Variants in CD2BP2 observed in about 807,000 individuals in gnomAD.
The protein encoded by CD2BP2 is CD2 cytoplasmic tail binding protein 2.
CD2BP2 carries 27 observed loss-of-function variants against 35.9 expected under a neutral mutation model. The ratio of observed to expected loss-of-function variants is 0.75; its 90% CI spans 0.55 to 1.04. CD2BP2 has a LOEUF of 1.04. Ranked by LOEUF, CD2BP2 falls within the 50% of genes least tolerant of loss-of-function variation. CD2BP2 has a pLI of 0.00. For synonymous variants in CD2BP2, 213 were observed against 173.5 expected, an observed-to-expected ratio of 1.23 and a Z score of -1.79; for missense variants, 497 against 444.3, an observed-to-expected ratio of 1.12 and a Z score of -1.07.
chr16:30,353,769 C>G lies in CD2BP2; in HGVS notation c.407G>C (p.Arg136Pro). ...VKIRERPPGQ[R>P]QASDSEEEDS... ...CTCCTCCTCCGAGTCTGAGGCCTGG[C>G]GCTGGCCAGGTGGCCGCTCCCGGAT... Residue 136 changes from arginine (R) to proline (P), a missense_variant, in exon 5 of 7, where the codon CGC becomes CCC. Arg to Pro is a moderately radical substitution (Grantham distance 103). Transcript: ENST00000305596. 1 of 1,604,514 alleles carries G rather than the reference C, an allele frequency of 6.2e-7. No homozygotes were observed. Among genetic ancestry groups the G allele is most frequent in the African/African-American group, 1.3e-5 (1 of 74,838 alleles).
Position 30,354,652 on chromosome 16 carries a change from G to A in CD2BP2, c.30C>T (p.Gly10=), listed in dbSNP as rs914839387. The A allele has an allele frequency of 6.2e-7, 1 of 1,613,834 alleles. No individual in the cohort carries two copies. The highest frequency in any genetic ancestry group is 8.5e-7 in the Non-Finnish European group (1 of 1,179,976). The change falls in exon 2 of 7, where the codon GGC becomes GGT. Residue 10 remains glycine, a synonymous_variant. Transcript: ENST00000305596. MPKRKVTFQ[G]VGDEEDEDEI... is the part of the protein sequence containing the mutation. ...CATCCTCATCCTCCTCATCTCCCACGCCTTGGAAGGTCACTTTCCTCTTTG... is the reference window on the plus strand; with the variant it reads ...CATCCTCATCCTCCTCATCTCCCACACCTTGGAAGGTCACTTTCCTCTTTG...
chr16:30,353,425 A>G lies in CD2BP2; in HGVS notation c.751T>C (p.Phe251Leu). Residue 251 changes from phenylalanine (F) to leucine (L), a missense_variant, in exon 5 of 7, where the codon TTC (phenylalanine) becomes CTC (leucine). Coordinates refer to ENST00000305596, the MANE Select transcript of CD2BP2 (RefSeq NM_006110.3). ...TCCTCCTCCGCCAACTCCTCAGCGA[A>G]CATGTCCAGGGAGGGTGGGGGTGTG... is the stretch of plus-strand genomic sequence containing the variant. ...NPTPPPSLDM[F>L]AEELAEEELE... is the part of the protein sequence containing the mutation. 1 of 1,614,062 alleles carries G rather than the reference A, an allele frequency of 6.2e-7. No individual in the cohort carries two copies. The highest frequency in any genetic ancestry group is 8.5e-7 in the Non-Finnish European group (1 of 1,180,000).
chr16:30,354,136 G>A (rs374004776), intron 3 of CD2BP2, 48 bp downstream of exon 3: 16 of 1,613,116 alleles, frequency 9.9e-6, no homozygotes, highest in Non-Finnish European at 1.2e-5. Flanking sequence ...CACCACCAGA[G>A]GCCCCTACTT....
chr16:30,354,024 A>AC lies in CD2BP2; in HGVS notation c.251dup (p.Val85CysfsTer7), dbSNP rs1185109227. 6.2e-7 allele frequency: 1 copy of AC among 1,613,588 alleles called. No individual in the cohort carries two copies. The highest frequency in any genetic ancestry group is 8.5e-7 in the Non-Finnish European group (1 of 1,179,924). On this transcript the variant is annotated frameshift_variant, in exon 4 of 7. Coordinates refer to ENST00000305596, the MANE Select transcript of CD2BP2 (RefSeq NM_006110.3). LOFTEE classifies it high-confidence loss of function. ...GCAGGTTAAAGGGTGTGATCCGAAC[A>AC]CCCCCCTCGCTGGGGAGTGTGGCTG... is the stretch of plus-strand genomic sequence containing the variant.
intron 3 of CD2BP2, 37 bp from the exon 4 acceptor site, chr16:30,354,095 GAA>G (rs1567407547): frequency 6.2e-7 from 1 of 1,600,234 alleles, no homozygotes; most frequent in Middle Eastern, 1.7e-4. Flanking sequence ...TCCAGGCATG[GAA>G]AAAAGAGACC....
chr16:30,351,922 G>A lies in CD2BP2; in HGVS notation c.*1063C>T, dbSNP rs1419017480. On this transcript the variant is annotated 3_prime_UTR_variant, in exon 7 of 7. Transcript: ENST00000305596. The stretch of plus-strand genomic sequence containing the variant: ...ATTACAGCTCCCCAGGAGACTCCAA[G>A]GGGCAGCCAGAGTGCAAAACCGGAA... 5 of 152,410 alleles carry A rather than the reference G, an allele frequency of 3.3e-5. No individual in the cohort carries two copies. Among genetic ancestry groups the A allele is most frequent in the East Asian group, 1.9e-4 (1 of 5,200 alleles). The allele number at this position is 152,410 out of a possible 1,614,324, so 9.4% of individuals were successfully genotyped here.
intron 5 of CD2BP2, 39 bp from the exon 6 acceptor site, chr16:30,353,326 C>G: frequency 6.2e-7 from 1 of 1,613,238 alleles, no homozygotes; most frequent in South Asian, 1.1e-5. Context: ...TCCAGTGTCT[C>G]ACTTCCTACC....
rs1346486082 is a variant in CD2BP2 at position 30,353,699 on chromosome 16, C to T, written c.477G>A (p.Glu159=). Reference sequence around the variant, plus strand: ...TAGGCAATAGGAGCTCCAAAAGTCCCTCCAAGAGGGCTTGGGCACTCATTG... The same window carrying T: ...TAGGCAATAGGAGCTCCAAAAGTCCTTCCAAGAGGGCTTGGGCACTCATTG... ...QTSMSAQALL[E]GLLELLLPRE... is the part of the protein sequence containing the mutation. Residue 159 remains glutamate (E), a synonymous_variant, in exon 5 of 7, where the codon GAG becomes GAA. Transcript: ENST00000305596. The T allele has an allele frequency of 6.2e-7, 1 of 1,613,744 alleles. No individual in the cohort carries two copies. The highest frequency in any genetic ancestry group is 1.1e-5 in the South Asian group (1 of 91,062).
In CD2BP2 at chr16:30,352,680, T is replaced by A; in HGVS notation, c.*305A>T. 2.5e-6 allele frequency: 1 copy of A among 407,638 alleles called. No individual in the cohort carries two copies. Among genetic ancestry groups the A allele is most frequent in the Non-Finnish European group, 4.5e-6 (1 of 220,710 alleles). The allele number at this position is 407,638 out of a possible 1,614,324, so 25.3% of individuals were successfully genotyped here. On this transcript the variant is annotated 3_prime_UTR_variant, in exon 7 of 7. Coordinates refer to ENST00000305596, the MANE Select transcript of CD2BP2 (RefSeq NM_006110.3). ...GGGAGAGGAGCACAGAGCAGCGCAG[T>A]TGGGGGTGTTTACACGGCAAGCAGA...
chr16:30,352,909 C>A lies in CD2BP2; in HGVS notation c.*76G>T. ...ACTGAAAAATGGCCTCCAATTTCCT[C>A]GCTGCCTGAGACACTTGGTGCCTCC... On this transcript the variant is annotated 3_prime_UTR_variant, in exon 7 of 7. Coordinates refer to ENST00000305596, the MANE Select transcript of CD2BP2 (RefSeq NM_006110.3). 1.1e-6 allele frequency: 1 copy of A among 931,092 alleles called. No homozygotes were observed. 57.7% of individuals were successfully genotyped at this position (931,092 alleles called of 1,614,324 possible).
chr16:30,351,410 GA>G lies in CD2BP2; in HGVS notation c.*1574del, dbSNP rs1339447344. 1 of 152,252 alleles carries G rather than the reference GA, an allele frequency of 6.6e-6. No individual in the cohort carries two copies. The highest frequency in any genetic ancestry group is 1.5e-5 in the Non-Finnish European group (1 of 68,080). 9.4% of individuals were successfully genotyped at this position (152,252 alleles called of 1,614,324 possible). ...CTGCTTTCCACTTCCGGACCTTTCT[GA>G]AATCAAGACGCATCTTTAGATCAAT... On this transcript the variant is annotated 3_prime_UTR_variant, in exon 7 of 7. Transcript: ENST00000305596.
At position 30,351,879 on chromosome 16, in the gene CD2BP2, C is replaced by G. The variant is rs1486934282; in HGVS notation, c.*1106G>C. The G allele has an allele frequency of 6.6e-6, 1 of 152,294 alleles. No homozygotes were observed. The highest frequency in any genetic ancestry group is 2.4e-5 in the African/African-American group (1 of 41,446). 9.4% of individuals were successfully genotyped at this position (152,294 alleles called of 1,614,324 possible). A position where few individuals can be genotyped will look rare whatever the true frequency, so the allele number is the denominator to read the frequency against. On this transcript the variant is annotated 3_prime_UTR_variant, in exon 7 of 7. Coordinates refer to ENST00000305596, the MANE Select transcript of CD2BP2 (RefSeq NM_006110.3). ...GGGCCACAACCTAGACCAGCTCAAT[C>G]TGAATCTCCAAAGAGATATTACAGC...
intron 2 of CD2BP2, 31 bp from the exon 3 acceptor site, chr16:30,354,353 G>T: frequency 6.2e-7 from 1 of 1,601,088 alleles, no homozygotes; most frequent in Non-Finnish European, 8.5e-7. Context: ...GTTGAGAAAT[G>T]CAGGTTACTG....
rs370620715 is a variant in CD2BP2, at chr16:30,351,480, C to T, written c.*1505G>A. ...CGGCAGGCCTCTTCTTTCTTAGTGA[C>T]GTTTAAAGGAAGGTATCTTACCCCT... is the stretch of plus-strand genomic sequence containing the variant. On this transcript the variant is annotated 3_prime_UTR_variant, in exon 7 of 7. Coordinates refer to ENST00000305596, the MANE Select transcript of CD2BP2 (RefSeq NM_006110.3). The T allele has an allele frequency of 5.9e-5, 9 of 152,174 alleles. No homozygotes were observed. The highest frequency in any genetic ancestry group is 9.7e-5 in the African/African-American group (4 of 41,420). The allele number at this position is 152,174 out of a possible 1,614,324, so 9.4% of individuals were successfully genotyped here. A position where few individuals can be genotyped will look rare whatever the true frequency, so the allele number is the denominator to read the frequency against.
chr16:30,353,361 A>C lies in CD2BP2; in HGVS notation c.808+7T>G, dbSNP rs1414631779. ...CCACTGCCCCCTCCTCTGTCCTCCA[A>C]GCTCACCTCCTCTCTGGGTAGGGGT... is the stretch of plus-strand genomic sequence containing the variant. On this transcript the variant is annotated splice_region_variant and intron_variant, in intron 5 of 6. Coordinates refer to ENST00000305596, the MANE Select transcript of CD2BP2 (RefSeq NM_006110.3). The C allele has an allele frequency of 3.1e-6, 5 of 1,613,620 alleles. No homozygotes were observed. In the South Asian group the frequency reaches 4.4e-5, roughly 14 times the overall value.
intron 1 of CD2BP2, 197 bp downstream of exon 1, chr16:30,355,015 A>G: frequency 3.2e-6 from 1 of 313,146 alleles, no homozygotes; most frequent in South Asian, 3.3e-5. Flanking sequence ...CACCGGCTCC[A>G]CGGGCTGACC....
In CD2BP2 at chr16:30,354,242, C is replaced by G. The variant is rs751813994; in HGVS notation, c.159G>C (p.Glu53Asp). The G allele has an allele frequency of 6.2e-7, 1 of 1,614,018 alleles. No individual in the cohort carries two copies. The highest frequency in any genetic ancestry group is 1.1e-5 in the South Asian group (1 of 91,070). The change falls in exon 3 of 7, where the codon GAG becomes GAC. Residue 53 changes from glutamate to aspartate, a missense_variant. Physicochemically the swap from Glu to Asp is conservative, Grantham distance 45. Transcript: ENST00000305596. ...TGCTGGACCCCCCATCATCATCATC[C>G]TCCTCCTCATCGCTATCCAAAGAGT... is the stretch of plus-strand genomic sequence containing the variant. ...GKHSLDSDEE[E>D]DDDDGGSSKY... is the part of the protein sequence containing the mutation.
intron 2 of CD2BP2, 97 bp from the exon 3 acceptor site, chr16:30,354,419 G>A: frequency 6.9e-7 from 1 of 1,449,704 alleles, no homozygotes; most frequent in East Asian, 2.3e-5. Flanking sequence ...AATATTTCAG[G>A]ATCTCGACTA....
Position 30,353,232 on chromosome 16 carries a change from C to T in CD2BP2, c.864G>A (p.Glu288=), listed in dbSNP as rs758535210. The T allele has an allele frequency of 6.2e-7, 1 of 1,614,198 alleles. No homozygotes were observed. The highest frequency in any genetic ancestry group is 1.1e-5 in the South Asian group (1 of 91,090). ...LVDVMWEYKW[E]NTGDAELYGP... ...CATACAGCTCGGCATCCCCCGTGTT[C>T]TCCCACTTATATTCCCACATCACAT... Residue 288 remains glutamate, a synonymous_variant, in exon 6 of 7, where the codon GAG becomes GAA. Transcript: ENST00000305596.
Sources: allele counts gnomAD v4.1 joint callset, GRCh38; gene constraint gnomAD v4.1.1; transcripts MANE v1.5; gene names NCBI Gene and HGNC (gene_info 2026-07-23, HGNC 2026-07-21).